Variants in DNM2 observed in about 807,000 individuals in gnomAD.
DNM2 encodes the protein dynamin 2.
A neutral mutation model predicts 99.0 loss-of-function variants in DNM2; 15 were observed. That is an observed-to-expected ratio of 0.15 (90% confidence interval 0.10 to 0.23). The LOEUF is 0.23. Among genes scored for constraint, DNM2 ranks in the 10% least tolerant of loss-of-function variants. DNM2 has a pLI of 1.00. For synonymous variants in DNM2, 525 were observed against 481.2 expected, an observed-to-expected ratio of 1.09 and a Z score of -1.19; for missense variants, 742 against 1,189.4, an observed-to-expected ratio of 0.62 and a Z score of 5.53.
chr19:10,790,843 C>T lies in DNM2; in HGVS notation c.993-2877C>T, dbSNP rs535069516. Among the ~76,000 whole-genome samples the T allele has an allele frequency of 2.0e-3, 307 of 150,614 alleles. 2 individuals carry two copies. Among genetic ancestry groups the T allele is most frequent in the African/African-American group, 7.2e-3 (296 of 40,980 alleles). The stretch of plus-strand genomic sequence containing the variant: ...GTGCAGTGGTGCAATCCCGGCTCAC[C>T]GCAGCCTCACCACTTGGGCTCAGGT... On this transcript the variant is annotated intron_variant, in intron 7 of 20. Coordinates refer to ENST00000389253, the MANE Select transcript of DNM2 (RefSeq NM_001005361.3).
In DNM2 at chr19:10,817,327, C is replaced by G. The variant is rs1179534130; in HGVS notation, c.1672-2653C>G. The G allele has an allele frequency of 4.5e-6, 2 of 441,722 alleles. No homozygotes were observed. Among genetic ancestry groups the G allele is most frequent in the Admixed American group, 4.9e-5 (2 of 40,602 alleles). 27.4% of individuals were successfully genotyped at this position (441,722 alleles called of 1,614,324 possible). A position where few individuals can be genotyped will look rare whatever the true frequency, so the allele number is the denominator to read the frequency against. On this transcript the variant is annotated intron_variant, in intron 15 of 20. Coordinates refer to ENST00000389253, the MANE Select transcript of DNM2 (RefSeq NM_001005361.3). The surrounding 1 kb of genome is among the most constrained non-coding windows in gnomAD (Gnocchi z 4.6). Reference sequence around the variant, plus strand: ...CACCCAGGCCCTCGAATCTTCTATGCGAGGCTCTGCCACAGTGGGAAACGG... The same window carrying G: ...CACCCAGGCCCTCGAATCTTCTATGGGAGGCTCTGCCACAGTGGGAAACGG...
intron 5 of DNM2, 113 bp downstream of exon 5, chr19:10,777,329 C>G: frequency 1.0e-6 from 1 of 970,748 alleles, no homozygotes; most frequent in South Asian, 1.4e-5. Flanking sequence ...TCCATTTCAC[C>G]GTAACTCCTT....
At position 10,795,896 on chromosome 19, in the gene DNM2, C is replaced by G; in HGVS notation, c.1196+457C>G. 8.5e-7 allele frequency: 1 copy of G among 1,169,868 alleles called. No individual in the cohort carries two copies. Among genetic ancestry groups the G allele is most frequent in the Non-Finnish European group, 1.3e-6 (1 of 795,576 alleles). The allele number at this position is 1,169,868 out of a possible 1,614,324, so 72.5% of individuals were successfully genotyped here. ...TGCCCTTCCATCGCCGTGGGGTCCT[C>G]GGGTCACCCTGAGGGTTTCCGGGCA... On this transcript the variant is annotated intron_variant, in intron 9 of 20. Transcript: ENST00000389253. The surrounding 1 kb of genome is among the most constrained non-coding windows in gnomAD (Gnocchi z 4.2).
chr19:10,751,550 A>G (rs947293199), intron 1 of DNM2, among the ~76,000 whole-genome samples: 1 of 152,178 alleles, frequency 6.6e-6, no homozygotes, highest in African/African-American at 2.4e-5. Flanking sequence ...CCTTAGGGCC[A>G]GGCCCCTGCT....
Position 10,831,069 on chromosome 19 carries a change from C to CGG in DNM2, c.*28_*29dup. On this transcript the variant is annotated 3_prime_UTR_variant, in exon 21 of 21. Transcript: ENST00000389253. This position sits in a 1 kb window ranked among gnomAD's most constrained non-coding sequence, Gnocchi z 4.3. ...CTAGGCCTCGAGGGGGGCGTGCTCT[C>CGG]GGGGGGGCCTCACGCACCCGCGGCG... is the stretch of plus-strand genomic sequence containing the variant. 6.3e-7 allele frequency: 1 copy of CGG among 1,585,222 alleles called. No individual in the cohort carries two copies.
intron 1 of DNM2, among the ~76,000 whole-genome samples, chr19:10,743,983 CCAGA>C (rs2069864394): frequency 7.1e-6 from 1 of 141,310 alleles, no homozygotes; most frequent in African/African-American, 2.8e-5. Context: ...GAGACTGTTT[CCAGA>C]AAAAAAAAAA....
At chr19:10,823,093 A>C (rs1454561778) in intron 16 of DNM2, 2 of 146,836 alleles carry the variant, frequency 1.4e-5, no homozygotes, top group African/African-American at 5.1e-5. Context: ...CGACAGAGCA[A>C]GACTCTGTCT....
chr19:10,764,986 G>A lies in DNM2; in HGVS notation c.235+5175G>A, dbSNP rs1018882586. ...CTTTTTTTTTTTTTTTTGAGATGGAGTCTCGCTGTCGCCCAGGCTGGAGTG... is the reference window on the plus strand; with the variant it reads ...CTTTTTTTTTTTTTTTTGAGATGGAATCTCGCTGTCGCCCAGGCTGGAGTG... On this transcript the variant is annotated intron_variant, in intron 2 of 20. Coordinates refer to ENST00000389253, the MANE Select transcript of DNM2 (RefSeq NM_001005361.3). The surrounding 1 kb of genome is among the most constrained non-coding windows in gnomAD (Gnocchi z 4.1). 8.1e-5 allele frequency among the ~76,000 whole-genome samples: 12 copies of A among 148,108 alleles called. No homozygotes were observed. The highest frequency in any genetic ancestry group is 6.0e-5 in the Non-Finnish European group (4 of 67,154).
chr19:10,730,689 C>T (rs964364853), intron 1 of DNM2, among the ~76,000 whole-genome samples: 5 of 151,894 alleles, frequency 3.3e-5, no homozygotes, highest in African/African-American at 1.2e-4. Context: ...TAGGCTGAGA[C>T]CCTGAGGCTG....
chr19:10,776,543 A>G (rs1481200503), intron 4 of DNM2, among the ~76,000 whole-genome samples: 1 of 152,138 alleles, frequency 6.6e-6, no homozygotes, highest in African/African-American at 2.4e-5. Context: ...CCACACATAT[A>G]ACACACACGG....
chr19:10,739,917 G>C (rs2069682146), intron 1 of DNM2, among the ~76,000 whole-genome samples: 1 of 150,508 alleles, frequency 6.6e-6, no homozygotes, highest in Non-Finnish European at 1.5e-5. Flanking sequence ...CCTGGGCCTG[G>C]ACTTTTCTTT....
rs773124483 is a variant in DNM2 at position 10,830,158 on chromosome 19, A to C, written c.2323A>C (p.Ile775Leu). The C allele has an allele frequency of 1.2e-6, 2 of 1,613,664 alleles. No homozygotes were observed. Among genetic ancestry groups the C allele is most frequent in the Non-Finnish European group, 1.7e-6 (2 of 1,179,774 alleles). The change falls in exon 20 of 21, where the codon ATA becomes CTA. Residue 775 changes from isoleucine to leucine, a missense_variant. By Grantham distance (5) the Ile-to-Leu change is conservative. Coordinates refer to ENST00000389253, the MANE Select transcript of DNM2 (RefSeq NM_001005361.3). This position sits in a 1 kb window ranked among gnomAD's most constrained non-coding sequence, Gnocchi z 4.8. The stretch of plus-strand genomic sequence containing the variant: ...TCCACAGCGCCGACCGGTGTCCAGC[A>C]TACACCCCCCTGGCCGGCCCCCAGC... ...PTPQRRPVSS[I>L]HPPGRPPAVR...
chr19:10,739,066 A>G (rs1352563527), intron 1 of DNM2, among the ~76,000 whole-genome samples: 3 of 151,364 alleles, frequency 2.0e-5, no homozygotes, highest in Non-Finnish European at 4.4e-5. Flanking sequence ...CCAGCTACTC[A>G]GGAGGCTGAG....
intron 5 of DNM2, 26 bp from the exon 6 acceptor site, chr19:10,782,934 C>T: frequency 1.9e-6 from 3 of 1,613,860 alleles, no homozygotes; most frequent in Non-Finnish European, 2.5e-6. Flanking sequence ...TAGCTTTGCC[C>T]CTGACCTGAC....
chr19:10,825,460 G>A (rs139020339), intron 18 of DNM2, among the ~76,000 whole-genome samples: 25 of 152,258 alleles, frequency 1.6e-4, no homozygotes, highest in African/African-American at 5.5e-4. Context: ...CACGAGCTAA[G>A]GAGTTCGAGA....
chr19:10,734,196 A>G (rs867301723), intron 1 of DNM2, among the ~76,000 whole-genome samples: 2 of 151,302 alleles, frequency 1.3e-5, no homozygotes, highest in Non-Finnish European at 2.9e-5. Flanking sequence ...CTCTACAAAA[A>G]ATTGAGTGTG....
Position 10,803,645 on chromosome 19 carries a change from C to G in DNM2, c.1493+1287C>G, listed in dbSNP as rs544231418. 3 of 986,242 alleles carry G rather than the reference C, an allele frequency of 3.0e-6. No homozygotes were observed. The African/African-American group carries it at 5.2e-5, about 17-fold the overall frequency. 61.1% of individuals were successfully genotyped at this position (986,242 alleles called of 1,614,324 possible). ...GCCTTCCCACTTACCCCAGCTGTTA[C>G]TATACTGAGCAGCTGGTGACCTGGT... On this transcript the variant is annotated intron_variant, in intron 12 of 20. Coordinates refer to ENST00000389253, the MANE Select transcript of DNM2 (RefSeq NM_001005361.3).
chr19:10,798,618 A>G (rs1251949834), intron 11 of DNM2, 46 bp downstream of exon 11: 4 of 1,607,132 alleles, frequency 2.5e-6, no homozygotes, highest in Non-Finnish European at 3.4e-6. Flanking sequence ...TACATGCAGT[A>G]AATGTCAAGT....
At chr19:10,755,523 C>G (rs974178083) in intron 1 of DNM2, 1 of 150,736 alleles carries the variant, frequency 6.6e-6, no homozygotes, top group Non-Finnish European at 1.5e-5. Context: ...TGCAGTGGCG[C>G]GATCTCAGCT....
Sources: gnomAD v4.1 joint callset for allele counts (sites outside exome capture counted in the v4.1 genomes callset) on GRCh38, gnomAD v4.1.1 for gene constraint, Gnocchi (gnomAD v3.1) non-coding constraint, MANE v1.5 for transcripts, NCBI Gene and HGNC (gene_info 2026-07-23, HGNC 2026-07-21) for gene names.